Variants in CSMD1 observed in about 807,000 individuals in gnomAD.
CSMD1 encodes CUB and sushi domain-containing protein 1.
A neutral mutation model predicts 417.5 loss-of-function variants in CSMD1; 213 were observed. The observed-to-expected ratio is 0.51, with a 90% CI of 0.46 to 0.57. The LOEUF is 0.57. Among genes scored for constraint, CSMD1 ranks in the 20% least tolerant of loss-of-function variants. The pLI, the probability that CSMD1 is intolerant of heterozygous loss-of-function variation, is 0.00. For synonymous variants in CSMD1, 2,862 were observed against 1,736.8 expected (o/e 1.65, Z -16.11); for missense variants, 6,923 against 4,529.7 (o/e 1.53, Z -15.17).
At chr8:3,686,662 C>A (rs1443720902) in intron 7 of CSMD1, among the ~76,000 whole-genome samples, 1 of 152,202 alleles carries the variant, frequency 6.6e-6, no homozygotes, top group Non-Finnish European at 1.5e-5. Flanking sequence ...GCTACACTAA[C>A]ACTTATCCAC....
intron 5 of CSMD1, among the ~76,000 whole-genome samples, chr8:3,878,207 A>C (rs1451479822): frequency 6.6e-6 from 1 of 152,138 alleles, no homozygotes; most frequent in Non-Finnish European, 1.5e-5. Flanking sequence ...TCAGGGATAA[A>C]ACTAATATCA....
intron 7 of CSMD1, among the ~76,000 whole-genome samples, chr8:3,623,892 G>A (rs535267567): frequency 3.3e-5 from 5 of 152,078 alleles, no homozygotes; most frequent in South Asian, 2.1e-4. Flanking sequence ...CAGGAGAATC[G>A]CTTGAACCCG....
At chr8:2,976,318 T>C (rs1804922132) in intron 55 of CSMD1, among the ~76,000 whole-genome samples, 2 of 152,158 alleles carry the variant, frequency 1.3e-5, no homozygotes, top group Admixed American at 1.3e-4. Flanking sequence ...TTATTGTGTA[T>C]GTGGTAGATC....
chr8:3,967,714 G>A (rs1027431918), intron 5 of CSMD1, among the ~76,000 whole-genome samples: 7 of 152,126 alleles, frequency 4.6e-5, no homozygotes, highest in African/African-American at 1.7e-4. Flanking sequence ...AGGGAAGTGG[G>A]CAAGAGATGA....
chr8:4,106,369 C>T (rs964094995), intron 3 of CSMD1, among the ~76,000 whole-genome samples: 2 of 152,156 alleles, frequency 1.3e-5, no homozygotes, highest in African/African-American at 4.8e-5. Context: ...ATAAAGCATT[C>T]AATTACAATG....
At position 2,973,297 on chromosome 8, in the gene CSMD1, T is replaced by C; in HGVS notation, c.8743A>G (p.Asn2915Asp). 1 of 1,613,534 alleles carries C rather than the reference T, an allele frequency of 6.2e-7. No homozygotes were observed. The highest frequency in any genetic ancestry group is 8.5e-7 in the Non-Finnish European group (1 of 1,179,564). Reference protein sequence around the residue: ...WSGALPHCTGNNPGFCGDPGT... With the variant: ...WSGALPHCTGDNPGFCGDPGT... ...GGATCACCACAGAATCCAGGATTAT[T>C]TCCTATTGAAAACAAACACATACGG... is the stretch of plus-strand genomic sequence containing the variant. Residue 2915 changes from asparagine (N) to aspartate (D), a missense_variant and splice_region_variant, in exon 57 of 70, where the codon AAT (asparagine) becomes GAT (aspartate). Transcript: ENST00000635120.
chr8:4,888,639 A>C (rs1488777471), intron 1 of CSMD1, among the ~76,000 whole-genome samples: 1 of 152,090 alleles, frequency 6.6e-6, no homozygotes, highest in Non-Finnish European at 1.5e-5. Context: ...TGGTAAACAG[A>C]TCTTCACCAT....
In CSMD1 at chr8:4,428,769, G is replaced by C. The variant is rs139195643; in HGVS notation, c.303-8704C>G. On this transcript the variant is annotated intron_variant, in intron 2 of 69. Transcript: ENST00000635120. The stretch of plus-strand genomic sequence containing the variant: ...GAGTCTAGCTTTGTCGCCCAGGCTG[G>C]AGTGCAGTGGCGTGATCTTGGCTCA... Among the ~76,000 whole-genome samples, 25 of 152,172 alleles carry C rather than the reference G, an allele frequency of 1.6e-4. No individual in the cohort carries two copies. The East Asian group carries it at 4.3e-3, about 26-fold the overall frequency.
intron 10 of CSMD1, among the ~76,000 whole-genome samples, chr8:3,554,277 G>C (rs748116118): frequency 2.0e-5 from 3 of 152,236 alleles, no homozygotes; most frequent in African/African-American, 7.2e-5. Flanking sequence ...GGAAGTGGTA[G>C]GGAATATCTT....
chr8:4,420,468 C>T (rs12681349), intron 2 of CSMD1, among the ~76,000 whole-genome samples: 44,926 of 151,868 alleles, frequency 0.3, 8,031 homozygotes, highest in Non-Finnish European at 0.41. Flanking sequence ...CTGCACCTCT[C>T]AACCCATCAC....
intron 21 of CSMD1, among the ~76,000 whole-genome samples, chr8:3,354,190 C>G (rs1808591921): frequency 6.6e-6 from 1 of 152,106 alleles, no homozygotes; most frequent in Admixed American, 6.6e-5. Context: ...CTATTCAATA[C>G]AGTTAAATTG....
chr8:2,990,211 G>A (rs570048726), intron 54 of CSMD1, among the ~76,000 whole-genome samples: 60 of 152,344 alleles, frequency 3.9e-4, no homozygotes, highest in Non-Finnish European at 8.2e-4. Flanking sequence ...GCAGCTGCAT[G>A]AGCAAGAGGC....
chr8:4,479,954 A>G (rs1801000875), intron 2 of CSMD1, among the ~76,000 whole-genome samples: 1 of 148,592 alleles, frequency 6.7e-6, no homozygotes, highest in South Asian at 2.2e-4. Context: ...TGACACAGCA[A>G]GTCTCTGTCT....
At chr8:4,802,469 C>G (rs550367828) in intron 1 of CSMD1, among the ~76,000 whole-genome samples, 41 of 151,972 alleles carry the variant, frequency 2.7e-4, no homozygotes, top group Admixed American at 1.6e-3. Flanking sequence ...TGAAAACAAA[C>G]CACGAAATCA....
chr8:3,112,044 C>A (rs1816552909), intron 42 of CSMD1, among the ~76,000 whole-genome samples: 1 of 151,904 alleles, frequency 6.6e-6, no homozygotes, highest in South Asian at 2.1e-4. Flanking sequence ...CTTGCTCCGG[C>A]TCTAGAGGTC....
At chr8:3,720,113 A>T (rs1802066824) in intron 6 of CSMD1, among the ~76,000 whole-genome samples, 1 of 152,220 alleles carries the variant, frequency 6.6e-6, no homozygotes. Flanking sequence ...TTCAACGTGG[A>T]ATGTTAATGC....
At chr8:4,312,693 C>G (rs182312694) in intron 3 of CSMD1, among the ~76,000 whole-genome samples, 1 of 151,720 alleles carries the variant, frequency 6.6e-6, no homozygotes, top group African/African-American at 2.4e-5. Flanking sequence ...CCTGGCCAAC[C>G]TGACGAAACC....
At chr8:3,674,560 T>C (rs1427878483) in intron 7 of CSMD1, among the ~76,000 whole-genome samples, 1 of 151,580 alleles carries the variant, frequency 6.6e-6, no homozygotes, top group African/African-American at 2.4e-5. Context: ...TTACTATGTA[T>C]CATGTACTAC....
rs578256332 is a variant in CSMD1 at position 4,181,147 on chromosome 8, T to C, written c.416-149048A>G. On this transcript the variant is annotated intron_variant, in intron 3 of 69. Coordinates refer to ENST00000635120, the MANE Select transcript of CSMD1 (RefSeq NM_033225.6). ...AGTGCTGCGAAACAGCCATCTATTT[T>C]GGTGTATTTGCTTTAAAAGTAAATG... is the stretch of plus-strand genomic sequence containing the variant. 5.9e-5 allele frequency among the ~76,000 whole-genome samples: 9 copies of C among 152,284 alleles called. No individual in the cohort carries two copies. The South Asian group carries it at 1.9e-3, about 32-fold the overall frequency.
Sources: gnomAD v4.1 joint callset for allele counts (sites outside exome capture counted in the v4.1 genomes callset) on GRCh38, gnomAD v4.1.1 for gene constraint, MANE v1.5 for transcripts, NCBI Gene and HGNC (gene_info 2026-07-23, HGNC 2026-07-21) for gene names.